Variants in NAPB observed in about 807,000 individuals in gnomAD.
NAPB encodes the protein beta-soluble NSF attachment protein.
NAPB carries 26 observed loss-of-function variants against 44.7 expected under a neutral mutation model. The ratio of observed to expected loss-of-function variants is 0.58; its 90% CI spans 0.43 to 0.81. The LOEUF is 0.81. Ranked by LOEUF, NAPB falls within the 30% of genes least tolerant of loss-of-function variation. The pLI, the probability that NAPB is intolerant of heterozygous loss-of-function variation, is 0.00. For missense variants in NAPB, 315 were observed against 356.4 expected, an observed-to-expected ratio of 0.88 and a Z score of 0.94; for synonymous variants, 120 against 116.8, an observed-to-expected ratio of 1.03 and a Z score of -0.18.
At position 23,377,478 on chromosome 20, in the gene NAPB, T is replaced by C. The variant is rs1224674677; in HGVS notation, c.795A>G (p.Glu265=). 1 of 1,596,788 alleles carries C rather than the reference T, an allele frequency of 6.3e-7. No individual in the cohort carries two copies. Among genetic ancestry groups the C allele is most frequent in the Non-Finnish European group, 8.6e-7 (1 of 1,168,108 alleles). The change falls in exon 11 of 11, where the codon GAA becomes GAG. Residue 265 remains glutamate (E), a synonymous_variant. Transcript: ENST00000377026. ...NSEAYTEAVK[E]FDSISRLDQW... The stretch of plus-strand genomic sequence containing the variant: ...GATCCAAGCGAGATATTGAGTCAAA[T>C]TCCTTCACCTAGTATAAGGAAAGAG...
rs941574099 is a variant in NAPB at position 23,375,904 on chromosome 20, T to C, written c.*1472A>G. 1 of 152,418 alleles carries C rather than the reference T, an allele frequency of 6.6e-6. No homozygotes were observed. The highest frequency in any genetic ancestry group is 2.4e-5 in the African/African-American group (1 of 41,456). 9.4% of individuals were successfully genotyped at this position (152,418 alleles called of 1,614,324 possible). On this transcript the variant is annotated 3_prime_UTR_variant, in exon 11 of 11. Coordinates refer to ENST00000377026, the MANE Select transcript of NAPB (RefSeq NM_022080.3). ...GGCTGGCCCTTCCCACTTCCTTTCC[T>C]GCTACTTTCTCTTTCTTCCTAGACT...
At chr20:23,391,214 G>C (rs1983932129) in intron 5 of NAPB, among the ~76,000 whole-genome samples, 1 of 152,166 alleles carries the variant, frequency 6.6e-6, no homozygotes, top group South Asian at 2.1e-4. Context: ...GGGAGGCTGA[G>C]ACAGGAGAAC....
intron 2 of NAPB, among the ~76,000 whole-genome samples, chr20:23,401,983 A>G (rs539052402): frequency 6.6e-6 from 1 of 152,354 alleles, no homozygotes; most frequent in East Asian, 1.9e-4. Flanking sequence ...GAACAAAATA[A>G]AAGAGGGAAT....
chr20:23,405,924 T>C (rs1340108803), intron 1 of NAPB, among the ~76,000 whole-genome samples: 2 of 152,166 alleles, frequency 1.3e-5, no homozygotes, highest in Non-Finnish European at 2.9e-5. Flanking sequence ...GTGCTATGGT[T>C]TGAATGTTTT....
chr20:23,377,152 G>T lies in NAPB; in HGVS notation c.*224C>A, dbSNP rs1982583249. On this transcript the variant is annotated 3_prime_UTR_variant, in exon 11 of 11. Coordinates refer to ENST00000377026, the MANE Select transcript of NAPB (RefSeq NM_022080.3). The stretch of plus-strand genomic sequence containing the variant: ...GAAGTACTTCTCAGAAAACGCTGGG[G>T]GTTCTGATAAGCATGAAACAACCCA... The T allele has an allele frequency of 6.2e-6, 2 of 320,770 alleles. No individual in the cohort carries two copies. Among genetic ancestry groups the T allele is most frequent in the East Asian group, 9.6e-5 (2 of 20,836 alleles). 19.9% of individuals were successfully genotyped at this position (320,770 alleles called of 1,614,324 possible).
At chr20:23,392,146 GA>G (rs1369207013) in intron 5 of NAPB, among the ~76,000 whole-genome samples, 1 of 152,030 alleles carries the variant, frequency 6.6e-6, no homozygotes, top group African/African-American at 2.4e-5. Context: ...ATGGTGAGCG[GA>G]ACAGTCATGG....
intron 5 of NAPB, among the ~76,000 whole-genome samples, chr20:23,393,172 C>T (rs922330617): frequency 6.6e-6 from 1 of 152,206 alleles, no homozygotes; most frequent in Non-Finnish European, 1.5e-5. Context: ...AAAGGAGGTT[C>T]AGATCCAGCT....
chr20:23,419,671 C>T (rs1053506336), intron 1 of NAPB, among the ~76,000 whole-genome samples: 1 of 152,176 alleles, frequency 6.6e-6, no homozygotes, highest in Non-Finnish European at 1.5e-5. Context: ...GTTAGTGTGG[C>T]GCTAGCACTT....
chr20:23,378,335 A>G (rs1002010609), intron 10 of NAPB, among the ~76,000 whole-genome samples: 7 of 151,560 alleles, frequency 4.6e-5, no homozygotes, highest in African/African-American at 1.7e-4. Flanking sequence ...AAATATATAA[A>G]AACATTTTTT....
intron 7 of NAPB, among the ~76,000 whole-genome samples, chr20:23,381,905 A>C (rs962265748): frequency 1.3e-5 from 2 of 152,182 alleles, no homozygotes; most frequent in Non-Finnish European, 2.9e-5. Context: ...AAGGAGTCCT[A>C]AAGTCCATTC....
At chr20:23,402,460 T>A (rs928086241) in intron 2 of NAPB, among the ~76,000 whole-genome samples, 2 of 152,148 alleles carry the variant, frequency 1.3e-5, no homozygotes, top group African/African-American at 2.4e-5. Context: ...CTTTAAAAAA[T>A]AACCAAGAGT....
At position 23,381,026 on chromosome 20, in the gene NAPB, T is replaced by C. The variant is rs1051898643; in HGVS notation, c.666+187A>G. The C allele has an allele frequency of 2.4e-5, 13 of 549,848 alleles. No individual in the cohort carries two copies. In the Admixed American group the frequency reaches 3.8e-4, roughly 16 times the overall value. 34.1% of individuals were successfully genotyped at this position (549,848 alleles called of 1,614,324 possible). The stretch of plus-strand genomic sequence containing the variant: ...ATGGCTATAAACTATCAGGTAACTT[T>C]TGAGAACAGCTTTGACAGCTGTTAA... On this transcript the variant is annotated intron_variant, in intron 8 of 10. Transcript: ENST00000377026.
rs182765676 is a variant in NAPB, at chr20:23,407,779, T to C, written c.99-4707A>G. Among the ~76,000 whole-genome samples the C allele has an allele frequency of 1.7e-3, 263 of 152,306 alleles. 2 individuals are homozygous for C. Among genetic ancestry groups the C allele is most frequent in the South Asian group, 9.5e-3 (46 of 4,828 alleles). ...TTCCCCATGTTCCCCTGAGGAAACA[T>C]TGTCAAAGCCACAAATGTCCCACCA... is the stretch of plus-strand genomic sequence containing the variant. On this transcript the variant is annotated intron_variant, in intron 1 of 10. Transcript: ENST00000377026.
Position 23,379,446 on chromosome 20 carries a change from G to T in NAPB, c.785C>A (p.Ala262Glu). ...CCATGTCCCAAAAGCATAACTTACT[G>T]CTTCAGTGTAAGCTTCACTGTTCTG... Reference protein sequence around the residue: ...EEQNSEAYTEAVKEFDSISRL... With the variant: ...EEQNSEAYTEEVKEFDSISRL... The change falls in exon 10 of 11, where the codon GCA becomes GAA. Residue 262 changes from alanine to glutamate, a missense_variant and splice_region_variant. Physicochemically the swap from Ala to Glu is moderately radical, Grantham distance 107. Coordinates refer to ENST00000377026, the MANE Select transcript of NAPB (RefSeq NM_022080.3). The T allele has an allele frequency of 6.3e-7, 1 of 1,598,910 alleles. No individual in the cohort carries two copies. Among genetic ancestry groups the T allele is most frequent in the Non-Finnish European group, 8.5e-7 (1 of 1,175,014 alleles).
intron 1 of NAPB, among the ~76,000 whole-genome samples, chr20:23,411,629 C>T (rs117734947): frequency 0.014 from 1,726 of 127,120 alleles, 19 homozygotes; most frequent in Non-Finnish European, 0.017. Context: ...TGACAAAGTA[C>T]AAACAGCTTA....
intron 1 of NAPB, among the ~76,000 whole-genome samples, chr20:23,407,677 G>T (rs1256023443): frequency 6.6e-6 from 1 of 152,058 alleles, no homozygotes; most frequent in Non-Finnish European, 1.5e-5. Flanking sequence ...TAAACTTCTT[G>T]CCCACAAGGA....
At chr20:23,392,683 G>GTT (rs71183336) in intron 5 of NAPB, among the ~76,000 whole-genome samples, 39 of 147,280 alleles carry the variant, frequency 2.6e-4, no homozygotes, top group Middle Eastern at 3.4e-3. Flanking sequence ...TTCCTGGATA[G>GTT]TTTTTTTTTT....
intron 10 of NAPB, among the ~76,000 whole-genome samples, chr20:23,378,355 T>C (rs571301336): frequency 1.2e-3 from 175 of 151,016 alleles, no homozygotes; most frequent in Non-Finnish European, 2.0e-3. Context: ...TTTTGCTTGA[T>C]TCTAAACATG....
intron 7 of NAPB, among the ~76,000 whole-genome samples, chr20:23,383,156 C>CAAAAAAAAAAAAA: frequency 1.3e-5 from 1 of 76,746 alleles, no homozygotes; most frequent in Non-Finnish European, 2.5e-5. Flanking sequence ...GACTCGGTCT[C>CAAAAAAAAAAAAA]AAAAAAAAAA....
Sources: gnomAD v4.1 joint callset for allele counts (sites outside exome capture counted in the v4.1 genomes callset) on GRCh38, gnomAD v4.1.1 for gene constraint, MANE v1.5 for transcripts, NCBI Gene and HGNC (gene_info 2026-07-23, HGNC 2026-07-21) for gene names.